The following GUCY2D variants were observed in gnomAD, a reference collection of about 807,000 sequenced individuals.
GUCY2D encodes guanylate cyclase 2D, retinal.
GUCY2D carries 70 observed loss-of-function variants against 101.3 expected under a neutral mutation model. The ratio of observed to expected loss-of-function variants is 0.69; its 90% confidence interval spans 0.57 to 0.84. The LOEUF is 0.84. GUCY2D is among the 40% of genes least tolerant of loss of function. The pLI is 0.00. For synonymous variants in GUCY2D, 688 were observed against 670.7 expected, an observed-to-expected ratio of 1.03 and a Z score of -0.40; for missense variants, 1,460 against 1,542.5, an observed-to-expected ratio of 0.95 and a Z score of 0.90.
At position 8,006,659 on chromosome 17, in the gene GUCY2D, A is replaced by T. The variant is rs780550917; in HGVS notation, c.1323A>T (p.Ser441=). ...GTRMHFPRGG[S]APGPDPSCWF... is the part of the protein sequence containing the mutation. ...GGATGCACTTCCCGCGTGGGGGATC[A>T]GCACCCGGACCTGACCCCTCGTGCT... Residue 441 remains serine, a synonymous_variant, in exon 4 of 20, where the codon TCA becomes TCT. Coordinates refer to ENST00000254854, the MANE Select transcript of GUCY2D (RefSeq NM_000180.4). The T allele has an allele frequency of 1.9e-5, 31 of 1,612,360 alleles. No homozygotes were observed. The South Asian group carries it at 3.2e-4, about 17-fold the overall frequency.
At chr17:8,010,808 CAAAAA>C (rs566986521) in intron 8 of GUCY2D, among the ~76,000 whole-genome samples, 1 of 71,686 alleles carries the variant, frequency 1.4e-5, no homozygotes. Context: ...GATTCCGTCT[CAAAAA>C]AAAAAAAAAA....
At chr17:8,018,044 C>G (rs1976009361) in intron 19 of GUCY2D, among the ~76,000 whole-genome samples, 1 of 152,150 alleles carries the variant, frequency 6.6e-6, no homozygotes, top group Non-Finnish European at 1.5e-5. Flanking sequence ...GTTGAAGTTG[C>G]CTTTGTGAAA....
chr17:8,014,823 T>C lies in GUCY2D; in HGVS notation c.2577-36T>C. 6.2e-7 allele frequency: 1 copy of C among 1,612,606 alleles called. No homozygotes were observed. Among genetic ancestry groups the C allele is most frequent in the Admixed American group, 1.7e-5 (1 of 60,008 alleles). On this transcript the variant is annotated intron_variant, in intron 13 of 19. Transcript: ENST00000254854. This position sits in a 1 kb window ranked among gnomAD's most constrained non-coding sequence, Gnocchi z 4.0. ...GCAGCTGGAGCCCAGCCAGGTAGAGTGGCCCCCAGGTGACCTCACTGCCTG... is the reference window on the plus strand; with the variant it reads ...GCAGCTGGAGCCCAGCCAGGTAGAGCGGCCCCCAGGTGACCTCACTGCCTG...
rs1975847901 is a variant in GUCY2D at position 8,011,356 on chromosome 17, G to C, written c.1750-788G>C. On this transcript the variant is annotated intron_variant, in intron 8 of 19. Coordinates refer to ENST00000254854, the MANE Select transcript of GUCY2D (RefSeq NM_000180.4). This position sits in a 1 kb window ranked among gnomAD's most constrained non-coding sequence, Gnocchi z 4.3. ...ATTGCACGACTGCAATCCAGCCTGG[G>C]TGACAGAGTAAGAATCTGTCTAAAA... Among the ~76,000 whole-genome samples the C allele has an allele frequency of 6.6e-6, 1 of 150,600 alleles. No individual in the cohort carries two copies. Among genetic ancestry groups the C allele is most frequent in the Non-Finnish European group, 1.5e-5 (1 of 67,864 alleles).
Position 8,014,135 on chromosome 17 carries a change from T to C in GUCY2D, c.2412+107T>C. ...AGGCAGGCTGGCAGGACCTCTGGCCTTCCAGGCTACCTCCTAAGGAGTAGC... is the reference window on the plus strand; with the variant it reads ...AGGCAGGCTGGCAGGACCTCTGGCCCTCCAGGCTACCTCCTAAGGAGTAGC... On this transcript the variant is annotated intron_variant, in intron 12 of 19. Coordinates refer to ENST00000254854, the MANE Select transcript of GUCY2D (RefSeq NM_000180.4). This position sits in a 1 kb window ranked among gnomAD's most constrained non-coding sequence, Gnocchi z 4.0. 2.9e-6 allele frequency: 3 copies of C among 1,044,722 alleles called. No homozygotes were observed. Among genetic ancestry groups the C allele is most frequent in the Non-Finnish European group, 4.4e-6 (3 of 676,608 alleles). The allele number at this position is 1,044,722 out of a possible 1,614,324, so 64.7% of individuals were successfully genotyped here. A position where few individuals can be genotyped will look rare whatever the true frequency, so the allele number is the denominator to read the frequency against.
rs926453595 is a variant in GUCY2D, at chr17:8,013,568, G to A, written c.2264-312G>A. 1.0e-5 allele frequency: 6 copies of A among 574,386 alleles called. No homozygotes were observed. The highest frequency in any genetic ancestry group is 1.9e-5 in the African/African-American group (1 of 53,382). The allele number at this position is 574,386 out of a possible 1,614,324, so 35.6% of individuals were successfully genotyped here. ...GAGGAGCAGGGGAGGGGGAGTGGGT[G>A]CATCCCTTCTGCACAGGACTCTGAG... is the stretch of plus-strand genomic sequence containing the variant. On this transcript the variant is annotated intron_variant, in intron 11 of 19. Coordinates refer to ENST00000254854, the MANE Select transcript of GUCY2D (RefSeq NM_000180.4). This position sits in a 1 kb window ranked among gnomAD's most constrained non-coding sequence, Gnocchi z 5.0.
chr17:8,014,546 G>A lies in GUCY2D; in HGVS notation c.2413-55G>A. 6.4e-7 allele frequency: 1 copy of A among 1,568,304 alleles called. No individual in the cohort carries two copies. The highest frequency in any genetic ancestry group is 1.1e-5 in the South Asian group (1 of 90,068). ...AGAGGGCCCATGAGGGGGGCATAAA[G>A]AGGGCATGGCAACCCAGGTCTTCAG... On this transcript the variant is annotated intron_variant, in intron 12 of 19. Transcript: ENST00000254854. This position sits in a 1 kb window ranked among gnomAD's most constrained non-coding sequence, Gnocchi z 4.0.
At chr17:8,005,795 T>A (rs1382958625) in intron 3 of GUCY2D, among the ~76,000 whole-genome samples, 3 of 152,246 alleles carry the variant, frequency 2.0e-5, no homozygotes, top group Non-Finnish European at 4.4e-5. Flanking sequence ...GCACAGTGCC[T>A]GGCTCTCTGA....
chr17:8,013,278 C>A lies in GUCY2D; in HGVS notation c.2263+26C>A. ...GTAAGGCTGCCCTGTGCGTGGAGTT[C>A]GGCCCACAGGGGCACCCTGCAGTTA... On this transcript the variant is annotated intron_variant, in intron 11 of 19. Transcript: ENST00000254854. The surrounding 1 kb of genome is among the most constrained non-coding windows in gnomAD (Gnocchi z 5.0). 6.2e-7 allele frequency: 1 copy of A among 1,611,770 alleles called. No homozygotes were observed. The highest frequency in any genetic ancestry group is 1.1e-5 in the South Asian group (1 of 90,878).
chr17:8,012,202 G>A lies in GUCY2D; in HGVS notation c.1808G>A (p.Gly603Glu), dbSNP rs943953143. Residue 603 changes from glycine (G) to glutamate (E), a missense_variant, in exon 9 of 20, where the codon GGA becomes GAA. Around this residue, in one of 3 missense-constraint regions of GUCY2D, gnomAD observed 1,196 missense variants for 1,229.6 expected, o/e 0.97. Coordinates refer to ENST00000254854, the MANE Select transcript of GUCY2D (RefSeq NM_000180.4). ...TACCTGGGGCTTTTCCTGGCTCGGG[G>A]AGCAGAAGGCCCTGCGGCCCTCTGG... ...ALYLGLFLARGAEGPAALWEG... is the reference protein window; with the variant it reads ...ALYLGLFLAREAEGPAALWEG... 9 of 1,614,020 alleles carry A rather than the reference G, an allele frequency of 5.6e-6. No homozygotes were observed. The Admixed American group carries it at 1.2e-4, about 21-fold the overall frequency.
At chr17:8,010,663 C>A (rs1296419161) in intron 8 of GUCY2D, among the ~76,000 whole-genome samples, 1 of 151,860 alleles carries the variant, frequency 6.6e-6, no homozygotes, top group Non-Finnish European at 1.5e-5. Context: ...AAAAAATTAG[C>A]CGGGTGTGGT....
Position 8,013,683 on chromosome 17 carries a change from C to G in GUCY2D, c.2264-197C>G. The stretch of plus-strand genomic sequence containing the variant: ...TCACCTCTTACTGACCCCCAGAGTT[C>G]GAGGTCCTCTTGTTCCTCCTAGCAA... On this transcript the variant is annotated intron_variant, in intron 11 of 19. Coordinates refer to ENST00000254854, the MANE Select transcript of GUCY2D (RefSeq NM_000180.4). The surrounding 1 kb of genome is among the most constrained non-coding windows in gnomAD (Gnocchi z 5.0). The G allele has an allele frequency of 1.6e-6, 1 of 611,332 alleles. No homozygotes were observed. The highest frequency in any genetic ancestry group is 2.7e-5 in the East Asian group (1 of 36,806). The allele number at this position is 611,332 out of a possible 1,614,324, so 37.9% of individuals were successfully genotyped here.
At position 8,003,714 on chromosome 17, in the gene GUCY2D, C is replaced by T. The variant is rs772765835; in HGVS notation, c.667C>T (p.Leu223=). ...ASVTSMEPLD[L]SGAREALRKV... Reference sequence around the variant, plus strand: ...CGTGACTTCCATGGAGCCCTTGGACCTGTCTGGAGCCCGGGAGGCCCTGAG... The same window carrying T: ...CGTGACTTCCATGGAGCCCTTGGACTTGTCTGGAGCCCGGGAGGCCCTGAG... The change falls in exon 2 of 20, where the codon CTG becomes TTG. Residue 223 remains leucine (L), a synonymous_variant. Coordinates refer to ENST00000254854, the MANE Select transcript of GUCY2D (RefSeq NM_000180.4). The T allele has an allele frequency of 6.3e-7, 1 of 1,598,360 alleles. No homozygotes were observed. The highest frequency in any genetic ancestry group is 2.2e-5 in the East Asian group (1 of 44,870).
At position 8,012,623 on chromosome 17, in the gene GUCY2D, C is replaced by T. The variant is rs1345671480; in HGVS notation, c.2113+17C>T. The T allele has an allele frequency of 2.5e-6, 4 of 1,602,722 alleles. No homozygotes were observed. Among genetic ancestry groups the T allele is most frequent in the African/African-American group, 1.3e-5 (1 of 74,714 alleles). On this transcript the variant is annotated intron_variant, in intron 10 of 19. Coordinates refer to ENST00000254854, the MANE Select transcript of GUCY2D (RefSeq NM_000180.4). ...GAGCGGAGGGTAAGAGTCCCCTGTG[C>T]AGACGAGGATCCACCGGGATCCCCA...
Position 8,003,952 on chromosome 17 carries a change from C to G in GUCY2D, c.822C>G (p.Val274=). 4 of 1,613,754 alleles carry G rather than the reference C, an allele frequency of 2.5e-6. No homozygotes were observed. The highest frequency in any genetic ancestry group is 3.3e-5 in the Admixed American group (2 of 60,034). ...TGGGCCTGACCGATGGCTCCCTGGT[C>G]TTCCTGCCCTTCGACACGATCCACT... ...EELGLTDGSL[V]FLPFDTIHYA... Residue 274 remains valine, a synonymous_variant, in exon 3 of 20, where the codon GTC becomes GTG. Transcript: ENST00000254854.
chr17:8,008,016 A>G lies in GUCY2D; in HGVS notation c.1652A>G (p.Asn551Ser). ...CCCAGCCAACACTTGGACAGCCCCAACATTGGTGTCTATGAGGTGAGCCTG... is the reference window on the plus strand; with the variant it reads ...CCCAGCCAACACTTGGACAGCCCCAGCATTGGTGTCTATGAGGTGAGCCTG... ...SGPSQHLDSP[N>S]IGVYEGDRVW... Residue 551 changes from asparagine (N) to serine (S), a missense_variant, in exon 7 of 20, where the codon AAC becomes AGC. Physicochemically the swap from Asn to Ser is conservative, Grantham distance 46 (BLOSUM62 1). Around this residue, in one of 3 missense-constraint regions of GUCY2D, gnomAD observed 1,196 missense variants for 1,229.6 expected, o/e 0.97. Transcript: ENST00000254854. The G allele has an allele frequency of 6.2e-7, 1 of 1,609,930 alleles. No individual in the cohort carries two copies. Among genetic ancestry groups the G allele is most frequent in the Non-Finnish European group, 8.5e-7 (1 of 1,176,386 alleles).
Position 8,002,736 on chromosome 17 carries a change from T to G in GUCY2D, c.-10+2T>G. ...GGGCCCGAGCCCCCGGACTTCCCTGTAAATGTCAGAGGCCCCTCCGCTGGG... is the reference window on the plus strand; with the variant it reads ...GGGCCCGAGCCCCCGGACTTCCCTGGAAATGTCAGAGGCCCCTCCGCTGGG... On this transcript the variant is annotated splice_donor_variant, in intron 1 of 19. Transcript: ENST00000254854. LOFTEE classifies it low-confidence loss of function (5UTR_SPLICE). This position sits in a 1 kb window ranked among gnomAD's most constrained non-coding sequence, Gnocchi z 4.9. 3.0e-6 allele frequency: 1 copy of G among 335,892 alleles called. No individual in the cohort carries two copies. The allele number at this position is 335,892 out of a possible 1,614,324, so 20.8% of individuals were successfully genotyped here.
chr17:8,004,509 G>A (rs1056375690), intron 3 of GUCY2D, among the ~76,000 whole-genome samples: 11 of 152,156 alleles, frequency 7.2e-5, no homozygotes, highest in Admixed American at 3.3e-4. Flanking sequence ...AAGGAGGGAG[G>A]ATGCCAATCC....
At chr17:8,009,688 C>T in intron 8 of GUCY2D, 102 bp downstream of exon 8, 1 of 811,296 alleles carries the variant, frequency 1.2e-6, no homozygotes, top group South Asian at 1.4e-5. Context: ...TTAAGTGTCC[C>T]CTCTGGCTGA....
Sources: allele counts gnomAD v4.1 joint callset (sites outside exome capture counted in the v4.1 genomes callset), GRCh38; gene constraint gnomAD v4.1.1; regional missense constraint gnomAD v4.1.1; non-coding constraint Gnocchi (gnomAD v3.1); transcripts MANE v1.5; gene names NCBI Gene and HGNC (gene_info 2026-07-23, HGNC 2026-07-21).